Variants in SOX5 observed in about 807,000 individuals in gnomAD.
SOX5 encodes SRY-box transcription factor 5, also known as transcription factor SOX-5.
SOX5 carries 9 observed loss-of-function variants against 92.0 expected under a neutral mutation model. The observed-to-expected ratio is 0.10, with a 90% CI of 0.06 to 0.17. The LOEUF is 0.17. Ranked by LOEUF, SOX5 falls within the 10% of genes least tolerant of loss-of-function variation. The pLI is 1.00. For missense variants in SOX5, 642 were observed against 944.5 expected (o/e 0.68, Z 4.20); for synonymous variants, 344 against 336.3 (o/e 1.02, Z -0.25).
intron 2 of SOX5, among the ~76,000 whole-genome samples, chr12:24,291,737 G>C (rs1946644673): frequency 6.6e-6 from 1 of 152,182 alleles, no homozygotes; most frequent in Non-Finnish European, 1.5e-5. Flanking sequence ...ATTAGAAAGT[G>C]AGGTGACAAG....
chr12:23,563,107 A>T, intron 11 of SOX5, 151 bp downstream of exon 11: 1 of 606,902 alleles, frequency 1.6e-6, no homozygotes, highest in South Asian at 2.3e-5. Context: ...TTTGATTAGG[A>T]TGGCGATGAG....
chr12:23,663,483 G>A (rs971487936), intron 7 of SOX5, among the ~76,000 whole-genome samples: 4 of 152,080 alleles, frequency 2.6e-5, no homozygotes, highest in African/African-American at 9.7e-5. Flanking sequence ...CATACTAAAT[G>A]TGGTTTTCTC....
intron 1 of SOX5, among the ~76,000 whole-genome samples, chr12:24,429,652 C>CACA (rs1937899815): frequency 2.0e-5 from 3 of 149,202 alleles, no homozygotes; most frequent in African/African-American, 7.4e-5. Context: ...ACACACACAC[C>CACA]CCATGAGCAC....
chr12:24,117,171 CAAAAG>C (rs1181189009), intron 4 of SOX5, among the ~76,000 whole-genome samples: 1 of 152,068 alleles, frequency 6.6e-6, no homozygotes, highest in Admixed American at 6.5e-5. Context: ...AGACATTTCT[CAAAAG>C]AAGAGATATG....
chr12:23,538,949 C>T (rs770634957), intron 13 of SOX5, among the ~76,000 whole-genome samples: 19 of 151,428 alleles, frequency 1.3e-4, no homozygotes, highest in Non-Finnish European at 2.2e-4. Context: ...TACAGGCGCC[C>T]GCCACCACGC....
intron 11 of SOX5, among the ~76,000 whole-genome samples, chr12:23,548,704 C>A (rs1022704823): frequency 2.0e-5 from 3 of 151,654 alleles, no homozygotes; most frequent in Non-Finnish European, 4.4e-5. Flanking sequence ...TGTGAGGAGA[C>A]AATAACTTAA....
At position 23,570,930 on chromosome 12, in the gene SOX5, AATATATATATATATATATATATATAT is replaced by A. The variant is rs1164831816; in HGVS notation, c.1342+4705_1342+4730del. Among the ~76,000 whole-genome samples, 72 of 19,932 alleles carry A rather than the reference AATATATATATATATATATATATATAT, an allele frequency of 3.6e-3. 4 individuals are homozygous for A. Among genetic ancestry groups the A allele is most frequent in the African/African-American group, 0.013 (67 of 5,000 alleles). 13.1% of individuals were successfully genotyped at this position (19,932 alleles called of 152,430 possible). On this transcript the variant is annotated intron_variant, in intron 10 of 14. Transcript: ENST00000451604. Reference sequence around the variant, plus strand: ...CAACTCAAAAAAAAAAAAAAAAAAAAATATATATATATATATATATATATATATATATATATATATATATATATATA... The same window carrying A: ...CAACTCAAAAAAAAAAAAAAAAAAAAATATATATATATATATATATATATA...
intron 3 of SOX5, among the ~76,000 whole-genome samples, chr12:23,768,678 T>C (rs1481050740): frequency 6.6e-6 from 1 of 152,154 alleles, no homozygotes; most frequent in Non-Finnish European, 1.5e-5. Context: ...CTACAGTAGC[T>C]GCTCATAATC....
intron 8 of SOX5, among the ~76,000 whole-genome samples, chr12:23,637,755 T>C (rs1043792094): frequency 6.6e-6 from 1 of 152,184 alleles, no homozygotes; most frequent in Admixed American, 6.5e-5. Context: ...CCTCCATCCT[T>C]AGTGTGGTGA....
At chr12:23,891,079 C>A (rs1410208499) in intron 2 of SOX5, among the ~76,000 whole-genome samples, 1 of 152,170 alleles carries the variant, frequency 6.6e-6, no homozygotes, top group Non-Finnish European at 1.5e-5. Context: ...GATTAGAAAT[C>A]TGACAATATT....
intron 2 of SOX5, among the ~76,000 whole-genome samples, chr12:23,889,518 A>T (rs1006625934): frequency 1.3e-5 from 2 of 152,208 alleles, no homozygotes; most frequent in African/African-American, 4.8e-5. Context: ...AGCAATTAAA[A>T]TTATTTTGGG....
intron 4 of SOX5, among the ~76,000 whole-genome samples, chr12:24,041,784 T>A (rs1180794034): frequency 6.6e-6 from 1 of 152,110 alleles, no homozygotes; most frequent in Non-Finnish European, 1.5e-5. Flanking sequence ...TTAGATAACA[T>A]TTTTTGTCCC....
intron 2 of SOX5, chr12:24,331,356 T>C (rs554074026): frequency 6.6e-6 from 1 of 152,158 alleles, no homozygotes; most frequent in African/African-American, 2.4e-5. Flanking sequence ...CATTCTTGAA[T>C]AGGATGGGCA....
chr12:23,909,173 A>G (rs2097324798), intron 1 of SOX5, among the ~76,000 whole-genome samples: 1 of 152,184 alleles, frequency 6.6e-6, no homozygotes, highest in Non-Finnish European at 1.5e-5. Flanking sequence ...CAGGGCTAAC[A>G]GTAATATTAC....
At chr12:24,406,996 CTGG>C (rs1203080938) in intron 1 of SOX5, among the ~76,000 whole-genome samples, 1 of 152,008 alleles carries the variant, frequency 6.6e-6, no homozygotes, top group Non-Finnish European at 1.5e-5. Context: ...CAGAAACAGC[CTGG>C]TGGTACATCC....
intron 3 of SOX5, among the ~76,000 whole-genome samples, chr12:24,236,251 C>T (rs911153454): frequency 5.3e-5 from 8 of 151,962 alleles, no homozygotes; most frequent in Non-Finnish European, 8.8e-5. Flanking sequence ...GTAACAGTGA[C>T]GAATCAGGTG....
At chr12:24,003,296 G>T (rs151007229) in intron 4 of SOX5, among the ~76,000 whole-genome samples, 1 of 151,896 alleles carries the variant, frequency 6.6e-6, no homozygotes, top group Non-Finnish European at 1.5e-5. Context: ...TGTACTGGAG[G>T]TTCTAGCCAG....
chr12:23,694,373 T>C (rs1254025970), intron 6 of SOX5, among the ~76,000 whole-genome samples: 1 of 152,166 alleles, frequency 6.6e-6, no homozygotes, highest in East Asian at 1.9e-4. Context: ...GCTCCAATTA[T>C]ATATATGTTA....
intron 1 of SOX5, among the ~76,000 whole-genome samples, chr12:24,551,559 G>A (rs1236850787): frequency 6.6e-6 from 1 of 152,220 alleles, no homozygotes; most frequent in Non-Finnish European, 1.5e-5. Flanking sequence ...TATTTGCTGA[G>A]TGCTACAATC....
Sources: allele counts gnomAD v4.1 joint callset (sites outside exome capture counted in the v4.1 genomes callset), GRCh38; gene constraint gnomAD v4.1.1; transcripts MANE v1.5; gene names NCBI Gene and HGNC (gene_info 2026-07-23, HGNC 2026-07-21).